CTDSPL: variants seen among roughly 807,000 people sequenced by gnomAD.
CTDSPL encodes the protein CTD small phosphatase like, also known as CTD small phosphatase-like protein.
Under a neutral mutation model 30.5 loss-of-function variants are expected in CTDSPL, and 8 were observed. The observed-to-expected ratio is 0.26, with a 90% CI of 0.15 to 0.47. The LOEUF is 0.47. Among genes scored for constraint, CTDSPL ranks in the 20% least tolerant of loss-of-function variants. The pLI, the probability that CTDSPL is intolerant of heterozygous loss-of-function variation, is 0.99. For missense variants in CTDSPL, 248 were observed against 366.1 expected (o/e 0.68, Z 2.63); for synonymous variants, 110 against 137.9 (o/e 0.80, Z 1.42).
rs773281997 is a variant in CTDSPL at position 37,975,843 on chromosome 3, G to A, written c.654G>A (p.Val218=). The change falls in exon 7 of 8, where the codon GTG becomes GTA. Residue 218 remains valine, a synonymous_variant. Transcript: ENST00000273179. This position sits in a 1 kb window ranked among gnomAD's most constrained non-coding sequence, Gnocchi z 4.9. ...GCCTTGGGCGGGAGCTGAGCAAAGTGATCATTGTTGACAATTCCCCTGCCT... is the reference window on the plus strand; with the variant it reads ...GCCTTGGGCGGGAGCTGAGCAAAGTAATCATTGTTGACAATTCCCCTGCCT... The part of the protein sequence containing the change: ...LSRLGRELSK[V]IIVDNSPASY... 13 of 1,614,060 alleles carry A rather than the reference G, an allele frequency of 8.1e-6. No individual in the cohort carries two copies. The South Asian group carries it at 1.4e-4, about 18-fold the overall frequency.
intron 1 of CTDSPL, among the ~76,000 whole-genome samples, chr3:37,891,279 A>G (rs542710256): frequency 6.6e-6 from 1 of 152,146 alleles, no homozygotes; most frequent in Admixed American, 6.5e-5. Flanking sequence ...AGATTAATCC[A>G]TGTCTGGGCT....
chr3:37,963,022 A>C (rs1203015958), intron 3 of CTDSPL, among the ~76,000 whole-genome samples: 1 of 152,230 alleles, frequency 6.6e-6, no homozygotes, highest in Non-Finnish European at 1.5e-5. Flanking sequence ...TTTTAAAAAT[A>C]ACCTGCTGAC....
chr3:37,876,604 A>G (rs1002904949), intron 1 of CTDSPL, among the ~76,000 whole-genome samples: 1 of 152,178 alleles, frequency 6.6e-6, no homozygotes, highest in Non-Finnish European at 1.5e-5. Flanking sequence ...TTTGCTGTCC[A>G]AATAACTTCC....
intron 1 of CTDSPL, among the ~76,000 whole-genome samples, chr3:37,932,517 A>G (rs371392263): frequency 6.6e-6 from 1 of 152,272 alleles, no homozygotes; most frequent in Admixed American, 6.5e-5. Context: ...AAAAAAGTAT[A>G]TAAGCAGAGT....
At chr3:37,960,535 T>TATATACACACACACAC (rs1327299412) in intron 3 of CTDSPL, among the ~76,000 whole-genome samples, 1 of 16,288 alleles carries the variant, frequency 6.1e-5, no homozygotes, top group Non-Finnish European at 1.0e-4. Flanking sequence ...TATATATATA[T>TATATACACACACACAC]ACACACACAC....
chr3:37,870,585 C>CGCT (rs1401523889), intron 1 of CTDSPL, among the ~76,000 whole-genome samples: 1 of 151,898 alleles, frequency 6.6e-6, no homozygotes, highest in Admixed American at 6.6e-5. Context: ...TCTTTATTTC[C>CGCT]TTACTTCCGC....
intron 7 of CTDSPL, among the ~76,000 whole-genome samples, chr3:37,976,610 G>A (rs1265995457): frequency 6.8e-6 from 1 of 146,934 alleles, no homozygotes; most frequent in Non-Finnish European, 1.5e-5. Context: ...CCAGCCTGGC[G>A]ACAGATGGAG....
intron 5 of CTDSPL, chr3:37,969,427 G>A: frequency 1.9e-6 from 1 of 532,278 alleles, no homozygotes; most frequent in Non-Finnish European, 3.9e-6. Context: ...AGTAATCCAG[G>A]ATAGGCTGTG....
chr3:37,865,610 A>G (rs73056943), intron 1 of CTDSPL, among the ~76,000 whole-genome samples: 6,240 of 152,328 alleles, frequency 0.041, 174 homozygotes, highest in Middle Eastern at 0.058. Context: ...TTCTTCCCAC[A>G]TAATAAGCTG....
At chr3:37,884,469 A>G (rs906908362) in intron 1 of CTDSPL, among the ~76,000 whole-genome samples, 2 of 152,200 alleles carry the variant, frequency 1.3e-5, no homozygotes, top group Non-Finnish European at 2.9e-5. Context: ...GCTCTTCTGT[A>G]TTGTTTAAGA....
At chr3:37,872,570 A>AAATTTTTTTT (rs1698086940) in intron 1 of CTDSPL, among the ~76,000 whole-genome samples, 1 of 54,264 alleles carries the variant, frequency 1.8e-5, no homozygotes, top group Non-Finnish European at 3.7e-5. Context: ...AAATTCTTTT[A>AAATTTTTTTT]TCTTTTTTTT....
At chr3:37,964,726 A>T in intron 4 of CTDSPL, 54 bp downstream of exon 4, 1 of 1,375,914 alleles carries the variant, frequency 7.3e-7, no homozygotes, top group Non-Finnish European at 1.0e-6. Flanking sequence ...TAACAATTGT[A>T]TTGGAAAAGG....
At chr3:37,920,274 G>A (rs1698698527) in intron 1 of CTDSPL, among the ~76,000 whole-genome samples, 1 of 152,192 alleles carries the variant, frequency 6.6e-6, no homozygotes, top group African/African-American at 2.4e-5. Flanking sequence ...TGCCGGAGGT[G>A]AGATCCCCAG....
chr3:37,911,921 G>C, intron 1 of CTDSPL: 1 of 274,588 alleles, frequency 3.6e-6, no homozygotes, highest in Non-Finnish European at 7.4e-6. Flanking sequence ...TATTAGCTGG[G>C]CGTGGTGGCG....
In CTDSPL at chr3:37,981,704, A is replaced by G; in HGVS notation, c.*837A>G. The G allele has an allele frequency of 2.5e-6, 1 of 392,750 alleles. No individual in the cohort carries two copies. Among genetic ancestry groups the G allele is most frequent in the Non-Finnish European group, 5.2e-6 (1 of 193,744 alleles). 24.3% of individuals were successfully genotyped at this position (392,750 alleles called of 1,614,324 possible). Reference sequence around the variant, plus strand: ...ATCCTGTCACTTCTGCTCTCACACTACTGCCATACATTTGTGTTTTTTGTT... The same window carrying G: ...ATCCTGTCACTTCTGCTCTCACACTGCTGCCATACATTTGTGTTTTTTGTT... On this transcript the variant is annotated 3_prime_UTR_variant, in exon 8 of 8. Transcript: ENST00000273179.
chr3:37,971,266 A>G, intron 5 of CTDSPL, 141 bp from the exon 6 acceptor site: 1 of 699,306 alleles, frequency 1.4e-6, no homozygotes, highest in Non-Finnish European at 2.5e-6. Context: ...CATACAGTCT[A>G]GGCCTCTGCC....
At chr3:37,877,236 C>T (rs1310045608) in intron 1 of CTDSPL, among the ~76,000 whole-genome samples, 8 of 152,050 alleles carry the variant, frequency 5.3e-5, no homozygotes, top group South Asian at 2.1e-4. Context: ...ATTGCAAAAA[C>T]GAAACTATTC....
chr3:37,879,467 A>G (rs947554313), intron 1 of CTDSPL, among the ~76,000 whole-genome samples: 2 of 152,258 alleles, frequency 1.3e-5, no homozygotes, highest in Non-Finnish European at 2.9e-5. Context: ...CACAGCATGT[A>G]ACCCTTCATA....
intron 2 of CTDSPL, among the ~76,000 whole-genome samples, chr3:37,953,281 G>GC (rs1451217768): frequency 1.3e-5 from 2 of 152,082 alleles, no homozygotes; most frequent in Non-Finnish European, 2.9e-5. Flanking sequence ...ACGTGCCTAC[G>GC]CCCCATCTCT....
Sources: gnomAD v4.1 joint callset for allele counts (sites outside exome capture counted in the v4.1 genomes callset) on GRCh38, gnomAD v4.1.1 for gene constraint, Gnocchi (gnomAD v3.1) non-coding constraint, MANE v1.5 for transcripts, NCBI Gene and HGNC (gene_info 2026-07-23, HGNC 2026-07-21) for gene names.